The following USP7 variants were observed in gnomAD, a reference collection of about 807,000 sequenced individuals.
USP7 encodes ubiquitin specific peptidase 7, also known as ubiquitin C-terminal hydrolase 7.
A neutral mutation model predicts 162.9 loss-of-function variants in USP7; 9 were observed. That is an observed-to-expected ratio of 0.06 (90% confidence interval 0.03 to 0.10). The LOEUF (loss-of-function observed/expected upper bound fraction) is 0.10, where lower values mean the gene tolerates loss of function less well. Ranked by LOEUF, USP7 falls within the 10% of genes least tolerant of loss-of-function variation. The probability of loss-of-function intolerance (pLI) is 1.00; values close to 1 mark genes in which losing one functional copy is unlikely to be tolerated. For synonymous variants in USP7, 562 were observed against 475.9 expected (o/e 1.18, Z -2.35); for missense variants, 715 against 1,373.7 (o/e 0.52, Z 7.58).
intron 2 of USP7, among the ~76,000 whole-genome samples, chr16:8,927,578 G>A (rs1006768177): frequency 1.3e-5 from 2 of 152,176 alleles, no homozygotes; most frequent in Non-Finnish European, 2.9e-5. Flanking sequence ...GCTCACACTT[G>A]TAGTCCCAGT....
chr16:8,938,173 C>T (rs1165569337), intron 1 of USP7, among the ~76,000 whole-genome samples: 1 of 152,110 alleles, frequency 6.6e-6, no homozygotes, highest in Non-Finnish European at 1.5e-5. Context: ...TCCGAGAAGG[C>T]TGAAGTTCTT....
intron 1 of USP7, among the ~76,000 whole-genome samples, chr16:8,950,605 C>CAA (rs1899505467): frequency 1.3e-5 from 2 of 152,064 alleles, no homozygotes; most frequent in African/African-American, 4.8e-5. Flanking sequence ...TGGGCGCTGA[C>CAA]AGAGACAACA....
intron 16 of USP7, among the ~76,000 whole-genome samples, chr16:8,902,978 T>C (rs2061800559): frequency 6.6e-6 from 1 of 152,170 alleles, no homozygotes; most frequent in South Asian, 2.1e-4. Flanking sequence ...CGAATGCCCA[T>C]TTACAAAAAT....
chr16:8,941,586 T>C (rs935132918), intron 1 of USP7, among the ~76,000 whole-genome samples: 50 of 151,740 alleles, frequency 3.3e-4, no homozygotes, highest in Non-Finnish European at 1.0e-4. Flanking sequence ...AACATCAGAG[T>C]GTAAATAAGT....
At chr16:8,956,776 C>CAAA (rs375578803) in intron 1 of USP7, among the ~76,000 whole-genome samples, 4,391 of 147,568 alleles carry the variant, frequency 0.03, 78 homozygotes, top group Middle Eastern at 0.11. Context: ...AAAACAAAAA[C>CAAA]AAAAAAAAAA....
intron 1 of USP7, among the ~76,000 whole-genome samples, chr16:8,939,881 C>G (rs757228897): frequency 1.3e-5 from 2 of 152,170 alleles, no homozygotes; most frequent in African/African-American, 2.4e-5. Context: ...GGGCAGATCA[C>G]GAGGTCAGGA....
intron 2 of USP7, among the ~76,000 whole-genome samples, chr16:8,929,139 C>A (rs1234951165): frequency 6.6e-6 from 1 of 152,258 alleles, no homozygotes; most frequent in Non-Finnish European, 1.5e-5. Flanking sequence ...GGGCCTGTCA[C>A]TGCTACACAA....
At chr16:8,911,501 G>T (rs570405949) in intron 10 of USP7, among the ~76,000 whole-genome samples, 24 of 152,304 alleles carry the variant, frequency 1.6e-4, no homozygotes, top group African/African-American at 5.5e-4. Flanking sequence ...GTCCTGCTCC[G>T]GTCATGAAGG....
chr16:8,895,667 G>C lies in USP7; in HGVS notation c.2894C>G (p.Ala965Gly), dbSNP rs765762500. The change falls in exon 27 of 31, where the codon GCA becomes GGA. Residue 965 changes from alanine to glycine, a missense_variant. By Grantham distance (60) the Ala-to-Gly change is moderately conservative. Around this residue, in one of 11 missense-constraint regions of USP7, gnomAD observed 222 missense variants for 441.7 expected, o/e 0.50. Coordinates refer to ENST00000344836, the MANE Select transcript of USP7 (RefSeq NM_003470.3). ...EDELLECLSP[A>G]TSRTFRIEEI... Reference sequence around the variant, plus strand: ...CTCTATTCGAAACGTCCGGCTCGTTGCAGGAGATAAACATTCTAATAGTTC... The same window carrying C: ...CTCTATTCGAAACGTCCGGCTCGTTCCAGGAGATAAACATTCTAATAGTTC... The C allele has an allele frequency of 1.2e-5, 19 of 1,612,930 alleles. No homozygotes were observed. Among genetic ancestry groups the C allele is most frequent in the African/African-American group, 2.7e-5 (2 of 74,806 alleles).
chr16:8,925,937 G>A (rs1253400648), intron 2 of USP7, among the ~76,000 whole-genome samples: 2 of 145,234 alleles, frequency 1.4e-5, no homozygotes, highest in Non-Finnish European at 3.0e-5. Flanking sequence ...GGTGGATCAC[G>A]AGGTCAGGAG....
intron 1 of USP7, among the ~76,000 whole-genome samples, chr16:8,948,796 T>C (rs542438594): frequency 4.7e-4 from 72 of 152,172 alleles, no homozygotes; most frequent in African/African-American, 1.6e-3. Flanking sequence ...ACCCCGTCTC[T>C]AGAAAAAAAA....
intron 1 of USP7, among the ~76,000 whole-genome samples, chr16:8,950,730 G>A (rs1401668814): frequency 6.6e-6 from 1 of 152,184 alleles, no homozygotes; most frequent in African/African-American, 2.4e-5. Flanking sequence ...CCAGTCACCC[G>A]CAGGGCCACA....
intron 15 of USP7, among the ~76,000 whole-genome samples, chr16:8,903,867 CA>C (rs36064651): frequency 0.42 from 51,135 of 120,384 alleles, 8,875 homozygotes; most frequent in Middle Eastern, 0.5. Context: ...AACTCTGTCT[CA>C]AAAAAAAAAA....
At chr16:8,898,822 A>G (rs2141167452) in intron 23 of USP7, 183 bp from the exon 24 acceptor site, 1 of 620,284 alleles carries the variant, frequency 1.6e-6, no homozygotes, top group Admixed American at 3.1e-5. Flanking sequence ...TCACACTTGA[A>G]TGCTCTCTGC....
intron 1 of USP7, among the ~76,000 whole-genome samples, chr16:8,934,391 C>T (rs1898556924): frequency 6.6e-6 from 1 of 152,182 alleles, no homozygotes; most frequent in South Asian, 2.1e-4. Context: ...TTGAGAGAGA[C>T]TGCATTGTCT....
intron 1 of USP7, among the ~76,000 whole-genome samples, chr16:8,951,776 T>G (rs758419501): frequency 6.6e-6 from 1 of 152,224 alleles, no homozygotes; most frequent in Non-Finnish European, 1.5e-5. Flanking sequence ...TGGTTTGCTT[T>G]AGGAATGATT....
chr16:8,946,571 G>C (rs1899292331), intron 1 of USP7, among the ~76,000 whole-genome samples: 1 of 152,170 alleles, frequency 6.6e-6, no homozygotes, highest in Non-Finnish European at 1.5e-5. Flanking sequence ...ATAAACAACA[G>C]TTCACAAAAC....
chr16:8,952,905 C>T (rs183749121), intron 1 of USP7, among the ~76,000 whole-genome samples: 14 of 151,996 alleles, frequency 9.2e-5, no homozygotes, highest in Non-Finnish European at 2.1e-4. Context: ...GGCGCAATCT[C>T]GGCTCACTGC....
At chr16:8,955,336 C>T (rs564975186) in intron 1 of USP7, among the ~76,000 whole-genome samples, 1 of 152,320 alleles carries the variant, frequency 6.6e-6, no homozygotes, top group South Asian at 2.1e-4. Flanking sequence ...CCTCGACCTC[C>T]AAGGTTCAAG....
Sources: allele counts gnomAD v4.1 joint callset (sites outside exome capture counted in the v4.1 genomes callset), GRCh38; gene constraint gnomAD v4.1.1; regional missense constraint gnomAD v4.1.1; transcripts MANE v1.5; gene names NCBI Gene and HGNC (gene_info 2026-07-23, HGNC 2026-07-21).